The following NTSR2 variants were observed in gnomAD, a reference collection of about 807,000 sequenced individuals.
NTSR2 encodes neurotensin receptor type 2.
NTSR2 carries 22 observed loss-of-function variants against 24.1 expected under a neutral mutation model. The ratio of observed to expected loss-of-function variants is 0.91; its 90% CI spans 0.65 to 1.30. The LOEUF (loss-of-function observed/expected upper bound fraction) is 1.30, where lower values mean the gene tolerates loss of function less well. Ranked by LOEUF, NTSR2 falls within the 50% of genes most tolerant of loss-of-function variation. The pLI is 0.00. For synonymous variants in NTSR2, 291 were observed against 267.0 expected (o/e 1.09, Z -0.88); for missense variants, 570 against 570.4 (o/e 1.00, Z 0.01).
At chr2:11,668,785 A>G (rs1661258351) in intron 1 of NTSR2, among the ~76,000 whole-genome samples, 1 of 152,230 alleles carries the variant, frequency 6.6e-6, no homozygotes, top group Non-Finnish European at 1.5e-5. Context: ...CTTTCAGAAA[A>G]TGCATTGTGA....
intron 1 of NTSR2, among the ~76,000 whole-genome samples, chr2:11,666,626 A>G (rs1661206850): frequency 6.6e-6 from 1 of 152,126 alleles, no homozygotes; most frequent in Non-Finnish European, 1.5e-5. Flanking sequence ...TTGAACCCAG[A>G]AGGCCGAGGT....
Position 11,669,998 on chromosome 2 carries a change from C to A in NTSR2, c.132G>T (p.Ala44=). Residue 44 remains alanine, a synonymous_variant, in exon 1 of 4, where the codon GCG becomes GCT. Coordinates refer to ENST00000306928, the MANE Select transcript of NTSR2 (RefSeq NM_012344.4). The stretch of plus-strand genomic sequence containing the variant: ...ACAGCGCATTGCCCGCCGCGCCCAG[C>A]GCCCAGATGAGTGCGTAGAGCGCGG... ...LFTALYALIW[A]LGAAGNALSA... 1 of 1,513,208 alleles carries A rather than the reference C, an allele frequency of 6.6e-7. No homozygotes were observed. Among genetic ancestry groups the A allele is most frequent in the Non-Finnish European group, 8.8e-7 (1 of 1,137,060 alleles). The allele number at this position is 1,513,208 out of a possible 1,614,324, so 93.7% of individuals were successfully genotyped here.
At chr2:11,667,113 C>T (rs570660349) in intron 1 of NTSR2, among the ~76,000 whole-genome samples, 48 of 152,344 alleles carry the variant, frequency 3.2e-4, no homozygotes, top group African/African-American at 1.0e-3. Context: ...AGGCCTCTTT[C>T]TGAGTCTGGG....
chr2:11,669,572 C>A lies in NTSR2; in HGVS notation c.558G>T (p.Glu186Asp). The A allele has an allele frequency of 1.3e-6, 2 of 1,571,676 alleles. No individual in the cohort carries two copies. Among genetic ancestry groups the A allele is most frequent in the South Asian group, 2.3e-5 (2 of 86,708 alleles). The change falls in exon 1 of 4, where the codon GAG becomes GAT. Residue 186 changes from glutamate (E) to aspartate (D), a missense_variant. Coordinates refer to ENST00000306928, the MANE Select transcript of NTSR2 (RefSeq NM_012344.4). ...QKHELETADG[E>D]PEPASRVCTV... ...TGCACACTCGCGAGGCGGGCTCCGG[C>A]TCCCCGTCCGCCGTCTCGAGTTCGT...
intron 1 of NTSR2, 49 bp downstream of exon 1, chr2:11,669,457 A>T: frequency 1.0e-4 from 23 of 221,400 alleles, no homozygotes; most frequent in East Asian, 3.2e-4. Context: ...TCCTCCCAGC[A>T]CCGCCCCCCC....
rs1661285309 is a variant in NTSR2, at chr2:11,669,705, C to T, written c.425G>A (p.Arg142His). Residue 142 changes from arginine to histidine, a missense_variant, in exon 1 of 4, where the codon CGT (arginine) becomes CAT (histidine). Physicochemically the swap from Arg to His is conservative, Grantham distance 29 (BLOSUM62 0). Transcript: ENST00000306928. ...ERCLAVCQPL[R>H]ARSLLTPRRT... ...GCGTGGCGTCAGCAGGCTGCGGGCA[C>T]GCAGGGGCTGGCACACGGCTAGGCA... is the stretch of plus-strand genomic sequence containing the variant. 3.3e-6 allele frequency: 5 copies of T among 1,529,050 alleles called. No individual in the cohort carries two copies. The highest frequency in any genetic ancestry group is 4.4e-6 in the Non-Finnish European group (5 of 1,143,070). The allele number at this position is 1,529,050 out of a possible 1,614,324, so 94.7% of individuals were successfully genotyped here.
intron 1 of NTSR2, among the ~76,000 whole-genome samples, chr2:11,663,472 G>A (rs1030972821): frequency 1.3e-5 from 2 of 152,130 alleles, no homozygotes; most frequent in Non-Finnish European, 2.9e-5. Flanking sequence ...GGGCATTTAC[G>A]CTTGTGATAG....
intron 2 of NTSR2, 74 bp from the exon 3 acceptor site, chr2:11,660,207 G>A: frequency 8.5e-7 from 1 of 1,170,344 alleles, no homozygotes; most frequent in East Asian, 2.4e-5. Flanking sequence ...ATTGCAAAGG[G>A]AGGCTGATGC....
chr2:11,665,616 A>G (rs1412927243), intron 1 of NTSR2: 1 of 152,080 alleles, frequency 6.6e-6, no homozygotes, highest in Non-Finnish European at 1.5e-5. Flanking sequence ...CTACATACCT[A>G]TGTAACTCCC....
intron 1 of NTSR2, 30 bp downstream of exon 1, chr2:11,669,468 ACCCCCCCT>A: frequency 9.9e-5 from 8 of 81,020 alleles, no homozygotes; most frequent in Non-Finnish European, 1.8e-4. Flanking sequence ...CCGCCCCCCC[ACCCCCCCT>A]CCCCCGACTC....
chr2:11,666,359 A>G (rs983949134), intron 1 of NTSR2, among the ~76,000 whole-genome samples: 2 of 151,874 alleles, frequency 1.3e-5, no homozygotes, highest in Non-Finnish European at 2.9e-5. Context: ...TTGCTTAAAT[A>G]GTAAAGATGT....
chr2:11,666,448 C>A (rs1661202057), intron 1 of NTSR2, among the ~76,000 whole-genome samples: 1 of 152,194 alleles, frequency 6.6e-6, no homozygotes, highest in Non-Finnish European at 1.5e-5. Context: ...CGGCTATAAT[C>A]CCAGCACTTT....
chr2:11,668,906 C>T (rs11887874), intron 1 of NTSR2, among the ~76,000 whole-genome samples: 56,641 of 152,030 alleles, frequency 0.37, 10,659 homozygotes, highest in African/African-American at 0.42. Context: ...AGGGTTGGAA[C>T]CAAAAGCAGA....
chr2:11,660,216 G>T, intron 2 of NTSR2, 83 bp from the exon 3 acceptor site: 1 of 1,055,560 alleles, frequency 9.5e-7, no homozygotes, highest in Non-Finnish European at 1.4e-6. Flanking sequence ...GGAGGCTGAT[G>T]CCCGAGGGGA....
Position 11,669,989 on chromosome 2 carries a change from C to G in NTSR2, c.141G>C (p.Ala47=). 2 of 1,512,900 alleles carry G rather than the reference C, an allele frequency of 1.3e-6. No homozygotes were observed. Among genetic ancestry groups the G allele is most frequent in the South Asian group, 1.2e-5 (1 of 80,720 alleles). The allele number at this position is 1,512,900 out of a possible 1,614,324, so 93.7% of individuals were successfully genotyped here. A position where few individuals can be genotyped will look rare whatever the true frequency, so the allele number is the denominator to read the frequency against. The stretch of plus-strand genomic sequence containing the variant: ...CGTGCGCGGACAGCGCATTGCCCGC[C>G]GCGCCCAGCGCCCAGATGAGTGCGT... ...ALYALIWALG[A]AGNALSAHVV... is the part of the protein sequence containing the mutation. The change falls in exon 1 of 4, where the codon GCG becomes GCC. Residue 47 remains alanine (A), a synonymous_variant. Transcript: ENST00000306928.
At chr2:11,662,296 CA>C (rs1661091884) in intron 1 of NTSR2, 56 bp from the exon 2 acceptor site, 1 of 1,428,414 alleles carries the variant, frequency 7.0e-7, no homozygotes, top group South Asian at 1.7e-5. Flanking sequence ...CGGCCCTCGC[CA>C]TCTGGCTGTG....
chr2:11,665,775 T>C (rs138392333), intron 1 of NTSR2: 1,587 of 152,466 alleles, frequency 0.01, 11 homozygotes, highest in Middle Eastern at 0.026. Context: ...CCTACTTCCA[T>C]GTCAGCATGA....
chr2:11,667,260 A>G (rs2148488912), intron 1 of NTSR2, among the ~76,000 whole-genome samples: 1 of 152,152 alleles, frequency 6.6e-6, no homozygotes, highest in South Asian at 2.1e-4. Flanking sequence ...TTTGCAACAT[A>G]GAGTTCTGAC....
At chr2:11,669,432 G>A in intron 1 of NTSR2, 74 bp downstream of exon 1, 1 of 945,590 alleles carries the variant, frequency 1.1e-6, no homozygotes, top group Non-Finnish European at 1.4e-6. Flanking sequence ...TGTTCCCCGG[G>A]GAGAGGGGGT....
Sources: gnomAD v4.1 joint callset for allele counts (sites outside exome capture counted in the v4.1 genomes callset) on GRCh38, gnomAD v4.1.1 for gene constraint, MANE v1.5 for transcripts, NCBI Gene and HGNC (gene_info 2026-07-23, HGNC 2026-07-21) for gene names.